RELN: variants seen among roughly 807,000 people sequenced by gnomAD.
The protein encoded by RELN is reelin.
In RELN, 108 loss-of-function variants were observed where a neutral mutation model predicts 427.6. That is an observed-to-expected ratio of 0.25 (90% CI 0.22 to 0.30). The LOEUF is 0.30. Among genes scored for constraint, RELN ranks in the 10% least tolerant of loss-of-function variants. The pLI is 1.00. For synonymous variants in RELN, 1,524 were observed against 1,513.4 expected, an observed-to-expected ratio of 1.01 and a Z score of -0.16; for missense variants, 3,715 against 4,302.8, an observed-to-expected ratio of 0.86 and a Z score of 3.82.
intron 8 of RELN, among the ~76,000 whole-genome samples, chr7:103,715,661 C>T (rs1789919303): frequency 6.6e-6 from 1 of 152,150 alleles, no homozygotes; most frequent in Non-Finnish European, 1.5e-5. Flanking sequence ...TCCTATCCCT[C>T]TTCCCTCACT....
chr7:103,943,170 T>C (rs1796150508), intron 1 of RELN, among the ~76,000 whole-genome samples: 1 of 152,194 alleles, frequency 6.6e-6, no homozygotes, highest in African/African-American at 2.4e-5. Context: ...CCTAGTTTTC[T>C]CTCTCAAAAT....
chr7:103,636,125 T>A (rs1832574194), intron 18 of RELN, 110 bp downstream of exon 18: 1 of 826,184 alleles, frequency 1.2e-6, no homozygotes. Flanking sequence ...CAACCCTAGT[T>A]AAAAATGAGA....
chr7:103,691,552 C>A (rs555903482), intron 10 of RELN, among the ~76,000 whole-genome samples: 1 of 152,246 alleles, frequency 6.6e-6, no homozygotes, highest in African/African-American at 2.4e-5. Flanking sequence ...GTGGCTCACA[C>A]CTGTAATCCC....
intron 20 of RELN, among the ~76,000 whole-genome samples, chr7:103,618,281 C>CA (rs1303912147): frequency 5.9e-5 from 9 of 152,186 alleles, no homozygotes; most frequent in Admixed American, 5.9e-4. Context: ...TGATGGTCCC[C>CA]ATTCTATGGT....
chr7:103,836,825 C>A (rs529021603), intron 2 of RELN, among the ~76,000 whole-genome samples: 1 of 152,178 alleles, frequency 6.6e-6, no homozygotes, highest in Non-Finnish European at 1.5e-5. Context: ...CAGCACTTAG[C>A]CCAAGGCATT....
At chr7:103,499,823 A>G (rs1828964168) in intron 53 of RELN, among the ~76,000 whole-genome samples, 1 of 152,214 alleles carries the variant, frequency 6.6e-6, no homozygotes, top group Non-Finnish European at 1.5e-5. Flanking sequence ...GAGGAATACT[A>G]ATAAAATTTG....
At chr7:103,596,166 G>A (rs1831532645) in intron 25 of RELN, among the ~76,000 whole-genome samples, 1 of 152,146 alleles carries the variant, frequency 6.6e-6, no homozygotes, top group Non-Finnish European at 1.5e-5. Flanking sequence ...AAATGAGCGT[G>A]GAACATCCCC....
rs141366526 is a variant in RELN, at chr7:103,523,280, T to A, written c.7490+111A>T. On this transcript the variant is annotated intron_variant, in intron 47 of 64. Transcript: ENST00000428762. ...CTCAAGATCATATTTCAGAAAAAAA[T>A]GTATAACTTAAGGAAGCATGGGAGT... The A allele has an allele frequency of 2.0e-5, 24 of 1,226,666 alleles. No individual in the cohort carries two copies. The East Asian group carries it at 5.6e-4, about 29-fold the overall frequency. The allele number at this position is 1,226,666 out of a possible 1,614,324, so 76.0% of individuals were successfully genotyped here. A position where few individuals can be genotyped will look rare whatever the true frequency, so the allele number is the denominator to read the frequency against.
At chr7:103,929,474 C>CT (rs1795814322) in intron 1 of RELN, among the ~76,000 whole-genome samples, 2 of 152,140 alleles carry the variant, frequency 1.3e-5, no homozygotes, top group African/African-American at 4.8e-5. Flanking sequence ...TCCTAGGAGA[C>CT]GTACAGAGTT....
intron 7 of RELN, 149 bp downstream of exon 7, chr7:103,727,962 C>T (rs1562974740): frequency 1.4e-6 from 1 of 738,368 alleles, no homozygotes; most frequent in Non-Finnish European, 2.4e-6. Context: ...CATAGAATCA[C>T]CCCTCCCAAT....
intron 2 of RELN, among the ~76,000 whole-genome samples, chr7:103,870,195 T>C (rs1359543587): frequency 2.0e-5 from 3 of 152,140 alleles, no homozygotes; most frequent in Non-Finnish European, 4.4e-5. Context: ...TACCTATGTA[T>C]AATATCTTTA....
intron 1 of RELN, among the ~76,000 whole-genome samples, chr7:103,927,763 T>G (rs1795778184): frequency 6.6e-6 from 1 of 152,162 alleles, no homozygotes; most frequent in African/African-American, 2.4e-5. Flanking sequence ...TCAATATAGC[T>G]ATAAGACAAT....
chr7:103,500,459 CTT>C (rs754139550), intron 53 of RELN, among the ~76,000 whole-genome samples: 2 of 151,620 alleles, frequency 1.3e-5, no homozygotes, highest in Non-Finnish European at 2.9e-5. Context: ...TTAATATTGA[CTT>C]TAAAAATAGT....
chr7:103,667,153 T>A (rs1166598752), intron 11 of RELN, among the ~76,000 whole-genome samples: 1 of 152,208 alleles, frequency 6.6e-6, no homozygotes, highest in African/African-American at 2.4e-5. Flanking sequence ...GGAAAAGGAA[T>A]TGCATGAGCT....
chr7:103,498,453 G>A (rs527848233), intron 53 of RELN, among the ~76,000 whole-genome samples: 8 of 151,944 alleles, frequency 5.3e-5, no homozygotes, highest in African/African-American at 1.9e-4. Flanking sequence ...CTCAAATAAT[G>A]TTTAATAATT....
intron 2 of RELN, among the ~76,000 whole-genome samples, chr7:103,897,470 A>T (rs1237710499): frequency 6.6e-6 from 1 of 152,020 alleles, no homozygotes; most frequent in African/African-American, 2.4e-5. Flanking sequence ...GTGTGTCCCT[A>T]CATTTGTTTA....
chr7:103,882,500 C>T (rs1205802446), intron 2 of RELN, among the ~76,000 whole-genome samples: 3 of 151,670 alleles, frequency 2.0e-5, no homozygotes, highest in African/African-American at 7.3e-5. Flanking sequence ...TTTAAAAATC[C>T]TCCTGCCTGC....
Position 103,989,089 on chromosome 7 carries a change from C to G in RELN, c.226+42G>C, listed in dbSNP as rs759037917. On this transcript the variant is annotated intron_variant, in intron 1 of 64. Transcript: ENST00000428762. The surrounding 1 kb of genome is among the most constrained non-coding windows in gnomAD (Gnocchi z 4.9). ...GGGATGAGAAAGGTGCGCTGGCGGG[C>G]GCACCCGGCGGCGGCGAGCGCGGAG... 5 of 1,555,374 alleles carry G rather than the reference C, an allele frequency of 3.2e-6. No individual in the cohort carries two copies. Among genetic ancestry groups the G allele is most frequent in the Non-Finnish European group, 1.8e-6 (2 of 1,132,612 alleles).
chr7:103,597,315 A>G (rs963735250), intron 24 of RELN, among the ~76,000 whole-genome samples: 14 of 152,140 alleles, frequency 9.2e-5, no homozygotes, highest in Non-Finnish European at 1.5e-4. Context: ...AAGAAAGAGT[A>G]CTTGAGGCCA....
Sources: gnomAD v4.1 joint callset for allele counts (sites outside exome capture counted in the v4.1 genomes callset) on GRCh38, gnomAD v4.1.1 for gene constraint, Gnocchi (gnomAD v3.1) non-coding constraint, MANE v1.5 for transcripts, NCBI Gene and HGNC (gene_info 2026-07-23, HGNC 2026-07-21) for gene names.